DNASE1: variants seen among roughly 807,000 people sequenced by gnomAD.
DNASE1 encodes deoxyribonuclease-1.
In DNASE1, 40 loss-of-function variants were observed where a neutral mutation model predicts 33.9. The observed-to-expected ratio is 1.18, with a 90% CI of 0.92 to 1.54. DNASE1 has a LOEUF of 1.54. Among genes scored for constraint, DNASE1 ranks in the 40% most tolerant of loss-of-function variants. The pLI is 0.00. For missense variants in DNASE1, 518 were observed against 372.6 expected, an observed-to-expected ratio of 1.39 and a Z score of -3.21; for synonymous variants, 216 against 160.0, an observed-to-expected ratio of 1.35 and a Z score of -2.64.
At chr16:3,655,135 G>A (rs768889259) in intron 1 of DNASE1, 91 bp downstream of exon 1, 62 of 606,938 alleles carry the variant, frequency 1.0e-4, no homozygotes, top group Middle Eastern at 8.7e-4. Context: ...CGAGTGAGGC[G>A]GAGGCTCCAG....
At position 3,656,625 on chromosome 16, in the gene DNASE1, G is replaced by A. The variant is rs377655756; in HGVS notation, c.321-13G>A. The A allele has an allele frequency of 8.7e-6, 14 of 1,602,816 alleles. No homozygotes were observed. The highest frequency in any genetic ancestry group is 3.4e-5 in the Admixed American group (2 of 58,982). On this transcript the variant is annotated splice_polypyrimidine_tract_variant and intron_variant, in intron 4 of 8. Transcript: ENST00000246949. The stretch of plus-strand genomic sequence containing the variant: ...AGCCTGGGGTCACCTCCTCCTGCCC[G>A]GCCTTCCCGCAGGCCTGACCAGGTG...
chr16:3,652,132 C>A (rs1360034476), upstream of DNASE1: 1 of 152,418 alleles, frequency 6.6e-6, no homozygotes. Context: ...TTCCTTCTGG[C>A]AGGTAGAGGA....
intron 1 of DNASE1, among the ~76,000 whole-genome samples, chr16:3,631,360 A>G (rs2041693269): frequency 6.6e-6 from 1 of 151,874 alleles, no homozygotes; most frequent in African/African-American, 2.4e-5. Context: ...GCCCCCCACC[A>G]CACCCAGCTA....
At chr16:3,645,887 C>T (rs1314644897) in intron 1 of DNASE1, among the ~76,000 whole-genome samples, 1 of 152,236 alleles carries the variant, frequency 6.6e-6, no homozygotes, top group African/African-American at 2.4e-5. Flanking sequence ...GTGATGACTG[C>T]ATCCTGCTCA....
At chr16:3,613,729 G>C (rs531297654) in intron 1 of DNASE1, among the ~76,000 whole-genome samples, 76 of 152,196 alleles carry the variant, frequency 5.0e-4, no homozygotes, top group Middle Eastern at 6.8e-3. Flanking sequence ...CAGTGCTGTT[G>C]AAATAATTTC....
At chr16:3,637,378 A>G (rs1374871872) in intron 1 of DNASE1, among the ~76,000 whole-genome samples, 1 of 152,166 alleles carries the variant, frequency 6.6e-6, no homozygotes, top group African/African-American at 2.4e-5. Context: ...TGTGGTGGGA[A>G]GGAGGGGAAG....
intron 1 of DNASE1, among the ~76,000 whole-genome samples, chr16:3,619,755 C>G (rs1792415299): frequency 6.6e-6 from 1 of 152,000 alleles, no homozygotes. Flanking sequence ...AAGTGGTTCT[C>G]CTGCCTTGGC....
chr16:3,658,355 A>T, downstream of DNASE1: 1 of 738,980 alleles, frequency 1.4e-6, no homozygotes, highest in East Asian at 2.7e-5. Flanking sequence ...GCTCACTGCA[A>T]CCTCAGGTGA....
chr16:3,643,452 A>G (rs966244847), intron 1 of DNASE1, among the ~76,000 whole-genome samples: 2 of 152,232 alleles, frequency 1.3e-5, no homozygotes, highest in South Asian at 2.1e-4. Flanking sequence ...TCGCCGGGAC[A>G]AGCCACAGCT....
Position 3,646,545 on chromosome 16 carries a change from C to G in DNASE1, c.-86+3509C>G, listed in dbSNP as rs560697036. Among the ~76,000 whole-genome samples the G allele has an allele frequency of 2.6e-5, 4 of 152,082 alleles. No individual in the cohort carries two copies. In the East Asian group the frequency reaches 7.7e-4, roughly 29 times the overall value. On this transcript the variant is annotated intron_variant, in intron 1 of 9. Coordinates refer to the DNASE1 transcript ENST00000407479. ...GTCCTCTGAAAAGGTGACATTTAAGCTGAAACTGGAATGACAAGAAGGCCC... is the reference window on the plus strand; with the variant it reads ...GTCCTCTGAAAAGGTGACATTTAAGGTGAAACTGGAATGACAAGAAGGCCC...
chr16:3,627,917 G>A (rs2041566400), intron 1 of DNASE1, among the ~76,000 whole-genome samples: 1 of 123,378 alleles, frequency 8.1e-6, no homozygotes. Flanking sequence ...ATGAATTTCA[G>A]CATGTATTTT....
chr16:3,662,782 TG>T (rs751411664), downstream of DNASE1: 2 of 1,126,500 alleles, frequency 1.8e-6, no homozygotes, highest in East Asian at 4.8e-5. Flanking sequence ...CTGCTGCTGC[TG>T]GAAGGACACC....
At chr16:3,617,833 C>G (rs1309321346) in intron 1 of DNASE1, among the ~76,000 whole-genome samples, 2 of 152,200 alleles carry the variant, frequency 1.3e-5, no homozygotes, top group Non-Finnish European at 2.9e-5. Context: ...ACCCCCTACC[C>G]TTTCTGCCAT....
At chr16:3,624,771 C>G (rs897092322) in intron 1 of DNASE1, among the ~76,000 whole-genome samples, 1 of 152,200 alleles carries the variant, frequency 6.6e-6, no homozygotes. Flanking sequence ...TCCTCTGCCT[C>G]CCAGGCTCAA....
chr16:3,648,685 A>G (rs1205271378), intron 1 of DNASE1, among the ~76,000 whole-genome samples: 4 of 152,248 alleles, frequency 2.6e-5, no homozygotes, highest in African/African-American at 9.6e-5. Flanking sequence ...ATAAGGACCA[A>G]TAAGAGCCAT....
chr16:3,636,012 C>T (rs964841993), intron 1 of DNASE1, among the ~76,000 whole-genome samples: 1 of 152,182 alleles, frequency 6.6e-6, no homozygotes, highest in African/African-American at 2.4e-5. Flanking sequence ...ATTATTGTTT[C>T]AGATACTTTT....
At chr16:3,634,669 C>G (rs893967191) in intron 1 of DNASE1, among the ~76,000 whole-genome samples, 10 of 152,002 alleles carry the variant, frequency 6.6e-5, no homozygotes, top group African/African-American at 2.2e-4. Context: ...ACCACCATGC[C>G]TAGATAATTT....
intron 1 of DNASE1, among the ~76,000 whole-genome samples, chr16:3,625,091 G>T (rs1266642074): frequency 6.6e-6 from 1 of 152,130 alleles, no homozygotes; most frequent in Non-Finnish European, 1.5e-5. Flanking sequence ...CGGATCACCT[G>T]AGGTTGGGAG....
At chr16:3,612,288 T>C (rs1209196043) in intron 1 of DNASE1, among the ~76,000 whole-genome samples, 1 of 152,188 alleles carries the variant, frequency 6.6e-6, no homozygotes, top group Non-Finnish European at 1.5e-5. Context: ...TTTGCTCTTG[T>C]TGCCCAGGCT....
Sources: gnomAD v4.1 joint callset for allele counts (sites outside exome capture counted in the v4.1 genomes callset) on GRCh38, gnomAD v4.1.1 for gene constraint, MANE v1.5 for transcripts, NCBI Gene and HGNC (gene_info 2026-07-23, HGNC 2026-07-21) for gene names.